CNBD1: variants seen among roughly 807,000 people sequenced by gnomAD.
CNBD1 encodes the protein cyclic nucleotide-binding domain-containing protein 1.
In CNBD1, 71 loss-of-function variants were observed where a neutral mutation model predicts 54.4. The ratio of observed to expected loss-of-function variants is 1.30; its 90% confidence interval spans 1.08 to 1.59. The LOEUF (loss-of-function observed/expected upper bound fraction) is 1.59, where lower values mean the gene tolerates loss of function less well. CNBD1 is among the 40% of genes most tolerant of loss of function. CNBD1 has a pLI of 0.00. For synonymous variants in CNBD1, 182 were observed against 170.7 expected (o/e 1.07, Z -0.51); for missense variants, 659 against 518.0 (o/e 1.27, Z -2.64).
intron 4 of CNBD1, among the ~76,000 whole-genome samples, chr8:87,092,992 A>G (rs1427725940): frequency 6.6e-6 from 1 of 152,116 alleles, no homozygotes; most frequent in African/African-American, 2.4e-5. Flanking sequence ...TACTCCTTCC[A>G]ATTCATCACT....
chr8:87,063,370 A>G (rs1201442566), intron 4 of CNBD1, among the ~76,000 whole-genome samples: 1 of 152,146 alleles, frequency 6.6e-6, no homozygotes. Context: ...CCCCAGCACC[A>G]TTTATTGAAA....
chr8:86,866,920 A>G (rs1001570398), intron 1 of CNBD1, among the ~76,000 whole-genome samples: 4 of 152,216 alleles, frequency 2.6e-5, no homozygotes, highest in African/African-American at 9.6e-5. Context: ...TTTTTCTAGC[A>G]GATCTTCTAC....
downstream of CNBD1, among the ~76,000 whole-genome samples, chr8:87,387,418 A>T (rs1811211803): frequency 6.6e-6 from 1 of 152,248 alleles, no homozygotes; most frequent in Non-Finnish European, 1.5e-5. Context: ...AAGATCTACC[A>T]AGCAAATGGA....
At chr8:87,199,209 T>C (rs894596840) in intron 4 of CNBD1, among the ~76,000 whole-genome samples, 8 of 152,156 alleles carry the variant, frequency 5.3e-5, no homozygotes, top group Non-Finnish European at 1.2e-4. Context: ...ATGGCAATGG[T>C]GTCTCAACAC....
At chr8:87,351,593 G>T in intron 8 of CNBD1, 92 bp from the exon 9 acceptor site, 1 of 1,183,394 alleles carries the variant, frequency 8.5e-7, no homozygotes, top group Non-Finnish European at 1.1e-6. Context: ...AATAGTTATT[G>T]AATTAAATAC....
At chr8:86,911,632 G>A (rs1028569956) in intron 3 of CNBD1, among the ~76,000 whole-genome samples, 2 of 152,126 alleles carry the variant, frequency 1.3e-5, no homozygotes, top group African/African-American at 4.8e-5. Flanking sequence ...GAAATATACA[G>A]TAGATTATTG....
intron 6 of CNBD1, among the ~76,000 whole-genome samples, chr8:87,241,081 G>T (rs1807690296): frequency 6.6e-6 from 1 of 151,976 alleles, no homozygotes; most frequent in African/African-American, 2.4e-5. Flanking sequence ...AAAACTTCAG[G>T]ACTCTAAAAA....
At chr8:87,135,591 T>C (rs1362836412) in intron 4 of CNBD1, among the ~76,000 whole-genome samples, 1 of 148,254 alleles carries the variant, frequency 6.7e-6, no homozygotes, top group Non-Finnish European at 1.5e-5. Flanking sequence ...ATATATGCTA[T>C]ATAAACACAT....
At chr8:87,047,107 C>T (rs1810211267) in intron 4 of CNBD1, among the ~76,000 whole-genome samples, 1 of 152,124 alleles carries the variant, frequency 6.6e-6, no homozygotes, top group African/African-American at 2.4e-5. Flanking sequence ...GACCTCCTCA[C>T]TTTTAGAGAT....
intron 4 of CNBD1, among the ~76,000 whole-genome samples, chr8:87,030,157 AG>A (rs1809749839): frequency 1.3e-5 from 2 of 152,202 alleles, no homozygotes; most frequent in Non-Finnish European, 2.9e-5. Context: ...TTTTTTTTAA[AG>A]CAGCTTGGTA....
intron 6 of CNBD1, among the ~76,000 whole-genome samples, chr8:87,262,100 G>A (rs957265894): frequency 7.2e-5 from 11 of 152,142 alleles, no homozygotes; most frequent in African/African-American, 2.7e-4. Flanking sequence ...GCTGCAGTGA[G>A]CCTGGATCAT....
chr8:87,273,639 C>T (rs895549642), intron 6 of CNBD1, among the ~76,000 whole-genome samples: 1 of 151,906 alleles, frequency 6.6e-6, no homozygotes, highest in Non-Finnish European at 1.5e-5. Flanking sequence ...TCTCTAAGTT[C>T]TCCAGTTACT....
intron 2 of CNBD1, among the ~76,000 whole-genome samples, chr8:87,400,865 TC>T (rs1807552151): frequency 6.6e-6 from 1 of 152,020 alleles, no homozygotes; most frequent in African/African-American, 2.4e-5. Flanking sequence ...TAAAGAATAA[TC>T]ATGCTTTGTT....
At chr8:87,060,774 T>C (rs1421919283) in intron 4 of CNBD1, among the ~76,000 whole-genome samples, 1 of 152,124 alleles carries the variant, frequency 6.6e-6, no homozygotes, top group African/African-American at 2.4e-5. Context: ...TTTCATTAAA[T>C]ATGAAAAAGT....
intron 4 of CNBD1, among the ~76,000 whole-genome samples, chr8:87,140,684 T>C (rs1187974387): frequency 6.6e-6 from 1 of 152,178 alleles, no homozygotes; most frequent in Non-Finnish European, 1.5e-5. Context: ...ATTTTTTAAA[T>C]TACAGTACTA....
chr8:87,302,609 C>A (rs1020169982), intron 8 of CNBD1, among the ~76,000 whole-genome samples: 1 of 151,822 alleles, frequency 6.6e-6, no homozygotes, highest in African/African-American at 2.4e-5. Context: ...CACTCCTATT[C>A]AACATAGTGT....
chr8:87,342,341 G>A (rs1810082578), intron 8 of CNBD1, among the ~76,000 whole-genome samples: 1 of 151,898 alleles, frequency 6.6e-6, no homozygotes, highest in Non-Finnish European at 1.5e-5. Flanking sequence ...CATGGGAGGA[G>A]TAAGAGTCTG....
chr8:87,361,253 T>C (rs1006588168), intron 10 of CNBD1, among the ~76,000 whole-genome samples: 1 of 151,998 alleles, frequency 6.6e-6, no homozygotes, highest in Non-Finnish European at 1.5e-5. Flanking sequence ...TGTTAAATTT[T>C]AAAAATGTAA....
chr8:87,106,116 A>G (rs563172849), intron 4 of CNBD1, among the ~76,000 whole-genome samples: 2 of 151,892 alleles, frequency 1.3e-5, no homozygotes, highest in South Asian at 4.2e-4. Context: ...TGAATATTAG[A>G]TATTTTCTTT....
Sources: allele counts gnomAD v4.1 joint callset (sites outside exome capture counted in the v4.1 genomes callset), GRCh38; gene constraint gnomAD v4.1.1; transcripts MANE v1.5; gene names NCBI Gene and HGNC (gene_info 2026-07-23, HGNC 2026-07-21).